PAQR3: variants seen among roughly 807,000 people sequenced by gnomAD.
The protein encoded by PAQR3 is progestin and adipoQ receptor family member 3.
In PAQR3, 39 loss-of-function variants were observed where a neutral mutation model predicts 41.7. The observed-to-expected ratio is 0.93, with a 90% CI of 0.72 to 1.22. The LOEUF (loss-of-function observed/expected upper bound fraction) is 1.22, where lower values mean the gene tolerates loss of function less well. PAQR3 is among the 50% of genes most tolerant of loss of function. PAQR3 has a pLI of 0.00. For missense variants in PAQR3, 366 were observed against 385.6 expected (o/e 0.95, Z 0.42); for synonymous variants, 140 against 140.6 (o/e 1.00, Z 0.03).
intron 11 of PAQR3, among the ~76,000 whole-genome samples, chr4:78,891,465 C>A (rs543634228): frequency 6.6e-6 from 1 of 152,238 alleles, no homozygotes; most frequent in African/African-American, 2.4e-5. Context: ...TTTTTTCTTC[C>A]TCTTTCTGGA....
Position 78,918,325 on chromosome 4 carries a change from A to T in PAQR3, c.*2214T>A. The T allele has an allele frequency of 1.0e-6, 1 of 973,238 alleles. No homozygotes were observed. 60.3% of individuals were successfully genotyped at this position (973,238 alleles called of 1,614,324 possible). A position where few individuals can be genotyped will look rare whatever the true frequency, so the allele number is the denominator to read the frequency against. ...TGTAGACAACTTTAAAATATTTTTT[A>T]ATGTTAACAATGTCTTCAAAATTTT... On this transcript the variant is annotated 3_prime_UTR_variant, in exon 6 of 6. Coordinates refer to ENST00000512733, the MANE Select transcript of PAQR3 (RefSeq NM_001040202.2).
In PAQR3 at chr4:78,887,230, C is replaced by T. The variant is rs755467322; in HGVS notation, c.*1004G>A. On this transcript the variant is annotated 3_prime_UTR_variant and NMD_transcript_variant, in exon 13 of 13. Coordinates refer to the PAQR3 transcript ENST00000342820. The stretch of plus-strand genomic sequence containing the variant: ...GAATGTAGACTCACTTTCTGCTCCA[C>T]ATAACCATCCTCCAGAAGATCCTTT... The T allele has an allele frequency of 3.1e-6, 5 of 1,611,994 alleles. No individual in the cohort carries two copies. The South Asian group carries it at 4.4e-5, about 14-fold the overall frequency.
intron 4 of PAQR3, among the ~76,000 whole-genome samples, chr4:78,925,537 A>G (rs1022845283): frequency 2.0e-4 from 31 of 152,274 alleles, no homozygotes; most frequent in Non-Finnish European, 2.4e-4. Flanking sequence ...TCACTCTGTC[A>G]CAGAACTTCC....
chr4:78,896,249 AT>A (rs1182836332), intron 11 of PAQR3, among the ~76,000 whole-genome samples: 1 of 152,204 alleles, frequency 6.6e-6, no homozygotes, highest in Non-Finnish European at 1.5e-5. Flanking sequence ...AAACTATCAA[AT>A]TTTGGCAGTT....
chr4:78,918,701 T>C lies in PAQR3; in HGVS notation c.*1838A>G, dbSNP rs1735344562. Reference sequence around the variant, plus strand: ...TGCAAAAATTGAAATGATTCAATGTTTTTTTATTTTGAGAAAGTTTTATAA... The same window carrying C: ...TGCAAAAATTGAAATGATTCAATGTCTTTTTATTTTGAGAAAGTTTTATAA... On this transcript the variant is annotated 3_prime_UTR_variant, in exon 6 of 6. Coordinates refer to ENST00000512733, the MANE Select transcript of PAQR3 (RefSeq NM_001040202.2). The C allele has an allele frequency of 1.0e-6, 1 of 966,464 alleles. No homozygotes were observed. Among genetic ancestry groups the C allele is most frequent in the Non-Finnish European group, 1.2e-6 (1 of 812,800 alleles). The allele number at this position is 966,464 out of a possible 1,614,324, so 59.9% of individuals were successfully genotyped here. A position where few individuals can be genotyped will look rare whatever the true frequency, so the allele number is the denominator to read the frequency against.
intron 2 of PAQR3, chr4:78,933,265 T>A (rs1239005169): frequency 1.5e-5 from 7 of 456,256 alleles, no homozygotes; most frequent in Non-Finnish European, 3.1e-5. Context: ...AACAAATATT[T>A]GTTAACTGAA....
chr4:78,908,377 C>G (rs549035388), downstream of PAQR3, among the ~76,000 whole-genome samples: 3 of 152,332 alleles, frequency 2.0e-5, no homozygotes, highest in South Asian at 6.2e-4. Flanking sequence ...TCTTCTCTCT[C>G]CATTTCTGTG....
In PAQR3 at chr4:78,928,719, G is replaced by A. The variant is rs531489355; in HGVS notation, c.504+1451C>T. On this transcript the variant is annotated intron_variant, in intron 3 of 5. Coordinates refer to ENST00000512733, the MANE Select transcript of PAQR3 (RefSeq NM_001040202.2). ...ACAATTTTTCCATGGATCATGGTGC[G>A]GGGAGGCAGGCAGAGATGGTTTCGG... Among the ~76,000 whole-genome samples the A allele has an allele frequency of 2.4e-4, 37 of 152,338 alleles. No individual in the cohort carries two copies. The South Asian group carries it at 4.1e-3, about 17-fold the overall frequency.
intron 11 of PAQR3, among the ~76,000 whole-genome samples, chr4:78,888,750 A>G (rs981438145): frequency 2.0e-5 from 3 of 152,140 alleles, no homozygotes; most frequent in African/African-American, 7.2e-5. Context: ...TACTATGGGT[A>G]TTTATATTAG....
chr4:78,896,986 G>C (rs1733736085), intron 11 of PAQR3, among the ~76,000 whole-genome samples: 1 of 152,048 alleles, frequency 6.6e-6, no homozygotes, highest in Non-Finnish European at 1.5e-5. Flanking sequence ...TACTTGGGAA[G>C]CTTAATCTTA....
intron 2 of PAQR3, chr4:78,933,145 T>G: frequency 2.2e-6 from 1 of 456,004 alleles, no homozygotes; most frequent in Non-Finnish European, 4.4e-6. Flanking sequence ...CCTGCCTCAC[T>G]GTCTCTTCTG....
intron 3 of PAQR3, among the ~76,000 whole-genome samples, chr4:78,927,855 A>G (rs539404846): frequency 1.6e-4 from 24 of 152,374 alleles, no homozygotes; most frequent in Admixed American, 4.6e-4. Context: ...CTGAAATCAA[A>G]TGTCAGACTG....
rs1289668830 is a variant in PAQR3 at position 78,918,297 on chromosome 4, A to C, written c.*2242T>G. 1.0e-6 allele frequency: 1 copy of C among 961,228 alleles called. No individual in the cohort carries two copies. Among genetic ancestry groups the C allele is most frequent in the African/African-American group, 1.8e-5 (1 of 56,642 alleles). The allele number at this position is 961,228 out of a possible 1,614,324, so 59.5% of individuals were successfully genotyped here. Reference sequence around the variant, plus strand: ...AAATATACATCATTACAAGGCTCAGATTTGTAGACAACTTTAAAATATTTT... The same window carrying C: ...AAATATACATCATTACAAGGCTCAGCTTTGTAGACAACTTTAAAATATTTT... On this transcript the variant is annotated 3_prime_UTR_variant, in exon 6 of 6. Transcript: ENST00000512733.
intron 11 of PAQR3, among the ~76,000 whole-genome samples, chr4:78,890,408 A>ATG (rs1733369984): frequency 1.3e-5 from 2 of 150,692 alleles, no homozygotes; most frequent in African/African-American, 5.0e-5. Flanking sequence ...TCATGCGCAC[A>ATG]CACACACACA....
At chr4:78,893,957 ACTT>A (rs1733572473) in intron 11 of PAQR3, among the ~76,000 whole-genome samples, 1 of 152,174 alleles carries the variant, frequency 6.6e-6, no homozygotes, top group South Asian at 2.1e-4. Context: ...ATCTTCTTGT[ACTT>A]CTCCATCAGA....
At position 78,939,285 on chromosome 4, in the gene PAQR3, A is replaced by AG; in HGVS notation, c.-62dup. 6.7e-7 allele frequency: 1 copy of AG among 1,491,918 alleles called. No individual in the cohort carries two copies. The highest frequency in any genetic ancestry group is 8.9e-7 in the Non-Finnish European group (1 of 1,118,950). The allele number at this position is 1,491,918 out of a possible 1,614,324, so 92.4% of individuals were successfully genotyped here. A position where few individuals can be genotyped will look rare whatever the true frequency, so the allele number is the denominator to read the frequency against. On this transcript the variant is annotated 5_prime_UTR_variant, in exon 1 of 6. Transcript: ENST00000512733. Reference sequence around the variant, plus strand: ...TCCCCCAGGTCCCGCCTCCCCGGGGAGGGGGCTTCGCCGCTGGCGCCCCCG... The same window carrying AG: ...TCCCCCAGGTCCCGCCTCCCCGGGGAGGGGGGCTTCGCCGCTGGCGCCCCCG...
Position 78,912,296 on chromosome 4 carries a change from T to C in PAQR3, c.*8243A>G, listed in dbSNP as rs1734681985. On this transcript the variant is annotated 3_prime_UTR_variant, in exon 6 of 6. Transcript: ENST00000512733. Reference sequence around the variant, plus strand: ...TGACATCACAACACAGAAATGCAAGTGTGGTACTTCCAGTGAAAGCACATG... The same window carrying C: ...TGACATCACAACACAGAAATGCAAGCGTGGTACTTCCAGTGAAAGCACATG... The C allele has an allele frequency of 3.0e-5, 11 of 372,472 alleles. No homozygotes were observed. The Admixed American group carries it at 3.8e-4, about 13-fold the overall frequency. The allele number at this position is 372,472 out of a possible 1,614,324, so 23.1% of individuals were successfully genotyped here.
intron 11 of PAQR3, among the ~76,000 whole-genome samples, chr4:78,895,987 T>C (rs181607897): frequency 2.0e-5 from 3 of 152,210 alleles, no homozygotes; most frequent in African/African-American, 7.2e-5. Context: ...ATCTTGAATT[T>C]CTGGGTTCAA....
rs895358154 is a variant in PAQR3 at position 78,915,097 on chromosome 4, A to G, written c.*5442T>C. ...AGGCCGGATGAAAATTTAACTGACT[A>G]GAACATTTATTCAGGAGTGTAATTA... is the stretch of plus-strand genomic sequence containing the variant. On this transcript the variant is annotated 3_prime_UTR_variant, in exon 6 of 6. Transcript: ENST00000512733. 6.6e-6 allele frequency: 1 copy of G among 152,026 alleles called. No homozygotes were observed. Among genetic ancestry groups the G allele is most frequent in the Non-Finnish European group, 1.5e-5 (1 of 67,928 alleles). The allele number at this position is 152,026 out of a possible 1,614,324, so 9.4% of individuals were successfully genotyped here. A position where few individuals can be genotyped will look rare whatever the true frequency, so the allele number is the denominator to read the frequency against.
Sources: gnomAD v4.1 joint callset for allele counts (sites outside exome capture counted in the v4.1 genomes callset) on GRCh38, gnomAD v4.1.1 for gene constraint, MANE v1.5 for transcripts, NCBI Gene and HGNC (gene_info 2026-07-23, HGNC 2026-07-21) for gene names.